Variants in ATG5 observed in about 807,000 individuals in gnomAD.
ATG5 encodes autophagy protein 5.
In ATG5, 14 loss-of-function variants were observed where a neutral mutation model predicts 36.5. The ratio of observed to expected loss-of-function variants is 0.38; its 90% CI spans 0.25 to 0.60. The LOEUF is 0.60. Among genes scored for constraint, ATG5 ranks in the 20% least tolerant of loss-of-function variants. The probability of loss-of-function intolerance (pLI) is 0.60; values close to 1 mark genes in which losing one functional copy is unlikely to be tolerated. For synonymous variants in ATG5, 95 were observed against 101.5 expected (o/e 0.94, Z 0.38); for missense variants, 195 against 326.7 (o/e 0.60, Z 3.11).
chr6:106,324,420 G>A (rs992672468), intron 1 of ATG5, among the ~76,000 whole-genome samples: 5 of 152,102 alleles, frequency 3.3e-5, no homozygotes, highest in Non-Finnish European at 5.9e-5. Flanking sequence ...GGGAGGTCCT[G>A]GAACCAATCT....
intron 5 of ATG5, among the ~76,000 whole-genome samples, chr6:106,252,303 A>G (rs577250286): frequency 3.3e-5 from 5 of 152,202 alleles, no homozygotes; most frequent in Admixed American, 3.3e-4. Context: ...CTATCAAATC[A>G]AAAGCATAAA....
At chr6:106,242,181 T>C (rs559998186) in intron 6 of ATG5, among the ~76,000 whole-genome samples, 29 of 152,246 alleles carry the variant, frequency 1.9e-4, no homozygotes, top group African/African-American at 7.0e-4. Context: ...GGTTTCACCA[T>C]GTTGTCAAGG....
chr6:106,230,900 C>T (rs1777659092), intron 6 of ATG5, among the ~76,000 whole-genome samples: 1 of 152,070 alleles, frequency 6.6e-6, no homozygotes, highest in South Asian at 2.1e-4. Flanking sequence ...GTCATACGTA[C>T]AAACTTTCTT....
intron 5 of ATG5, among the ~76,000 whole-genome samples, chr6:106,266,511 C>T (rs1433607590): frequency 6.6e-6 from 1 of 151,166 alleles, no homozygotes; most frequent in Non-Finnish European, 1.5e-5. Flanking sequence ...GGCCCTAACT[C>T]ATTTTATGAT....
intron 4 of ATG5, among the ~76,000 whole-genome samples, chr6:106,287,464 C>T (rs1396789609): frequency 1.3e-5 from 2 of 152,186 alleles, no homozygotes; most frequent in African/African-American, 2.4e-5. Flanking sequence ...CACATAAGCA[C>T]TTATCTGAAT....
chr6:106,186,848 AAAACAG>A (rs1275474741), intron 7 of ATG5, among the ~76,000 whole-genome samples, 172 bp from the exon 8 acceptor site: 1 of 152,208 alleles, frequency 6.6e-6, no homozygotes, highest in Admixed American at 6.5e-5. Context: ...TGTATCACCC[AAAACAG>A]AAACCTGAGG....
intron 4 of ATG5, among the ~76,000 whole-genome samples, chr6:106,288,613 A>G (rs1780178553): frequency 6.6e-6 from 1 of 152,180 alleles, no homozygotes; most frequent in African/African-American, 2.4e-5. Flanking sequence ...ATTGTTCTCT[A>G]ACTCTTGTTA....
chr6:106,209,459 T>C (rs904047323), intron 6 of ATG5, among the ~76,000 whole-genome samples: 5 of 152,180 alleles, frequency 3.3e-5, no homozygotes, highest in East Asian at 1.9e-4. Flanking sequence ...ACTCCACTGA[T>C]ATAACATTAG....
chr6:106,223,384 A>T (rs1777324702), intron 6 of ATG5, among the ~76,000 whole-genome samples: 1 of 152,222 alleles, frequency 6.6e-6, no homozygotes, highest in South Asian at 2.1e-4. Context: ...CTGCCAAATA[A>T]GCTTATAATT....
intron 5 of ATG5, among the ~76,000 whole-genome samples, chr6:106,275,590 A>G (rs1465357054): frequency 6.6e-6 from 1 of 152,240 alleles, no homozygotes; most frequent in East Asian, 1.9e-4. Flanking sequence ...TTTAAAATTA[A>G]TTTAATAAAA....
chr6:106,295,558 C>T (rs1377216105), intron 3 of ATG5, among the ~76,000 whole-genome samples: 2 of 150,522 alleles, frequency 1.3e-5, no homozygotes, highest in Admixed American at 6.6e-5. Flanking sequence ...AATATAAAAT[C>T]AAGTAATTTT....
At chr6:106,311,465 T>C (rs1770643354) in intron 2 of ATG5, among the ~76,000 whole-genome samples, 3 of 152,030 alleles carry the variant, frequency 2.0e-5, no homozygotes. Context: ...GAAGTCTGGG[T>C]GTGTGTAGGT....
chr6:106,226,045 C>T lies in ATG5; in HGVS notation c.573+22105G>A, dbSNP rs1777441018. On this transcript the variant is annotated intron_variant, in intron 6 of 7. Transcript: ENST00000369076. ...CCTAAACTCTCACCTATGGGAAACCCTGAGGCTCTGTACAAGAAGAAAGTA... is the reference window on the plus strand; with the variant it reads ...CCTAAACTCTCACCTATGGGAAACCTTGAGGCTCTGTACAAGAAGAAAGTA... 2.6e-5 allele frequency among the ~76,000 whole-genome samples: 4 copies of T among 152,170 alleles called. No homozygotes were observed. The South Asian group carries it at 8.3e-4, about 31-fold the overall frequency.
At chr6:106,188,355 T>C (rs1229680132) in intron 7 of ATG5, among the ~76,000 whole-genome samples, 1 of 152,220 alleles carries the variant, frequency 6.6e-6, no homozygotes, top group Admixed American at 6.5e-5. Flanking sequence ...CTCAGAATCT[T>C]CCTCCTACTT....
At chr6:106,211,889 G>T (rs1776865573) in intron 6 of ATG5, among the ~76,000 whole-genome samples, 1 of 152,176 alleles carries the variant, frequency 6.6e-6, no homozygotes, top group African/African-American at 2.4e-5. Flanking sequence ...GCTACTTTGT[G>T]TGTGTGCTTT....
chr6:106,226,879 G>C (rs1403406468), intron 6 of ATG5, among the ~76,000 whole-genome samples: 1 of 152,100 alleles, frequency 6.6e-6, no homozygotes, highest in South Asian at 2.1e-4. Context: ...CCAGAAGAAT[G>C]AATCAGCAAA....
chr6:106,274,361 C>A (rs1271469267), intron 5 of ATG5, among the ~76,000 whole-genome samples: 1 of 152,030 alleles, frequency 6.6e-6, no homozygotes, highest in Non-Finnish European at 1.5e-5. Context: ...CACTGAAAGG[C>A]ACAGTATGTC....
intron 6 of ATG5, among the ~76,000 whole-genome samples, chr6:106,246,677 C>T (rs1251559476): frequency 1.3e-5 from 2 of 152,054 alleles, no homozygotes; most frequent in Non-Finnish European, 2.9e-5. Flanking sequence ...GAACTTGACC[C>T]AAATAAGTGC....
chr6:106,199,045 T>C (rs936208106), intron 7 of ATG5, among the ~76,000 whole-genome samples: 2 of 152,132 alleles, frequency 1.3e-5, no homozygotes, highest in Non-Finnish European at 2.9e-5. Context: ...ATTAAAATCA[T>C]CATGAGATAC....
Sources: allele counts gnomAD v4.1 joint callset (sites outside exome capture counted in the v4.1 genomes callset), GRCh38; gene constraint gnomAD v4.1.1; transcripts MANE v1.5; gene names NCBI Gene and HGNC (gene_info 2026-07-23, HGNC 2026-07-21).